The following HNRNPC variants were observed in gnomAD, a reference collection of about 807,000 sequenced individuals.
HNRNPC encodes heterogeneous nuclear ribonucleoprotein C.
In HNRNPC, 3 loss-of-function variants were observed where a neutral mutation model predicts 33.2. That is an observed-to-expected ratio of 0.09 (90% CI 0.04 to 0.23). The LOEUF is 0.23. Among genes scored for constraint, HNRNPC ranks in the 10% least tolerant of loss-of-function variants. HNRNPC has a pLI of 1.00. For synonymous variants in HNRNPC, 121 were observed against 126.7 expected, an observed-to-expected ratio of 0.96 and a Z score of 0.30; for missense variants, 143 against 366.7, an observed-to-expected ratio of 0.39 and a Z score of 4.98.
At chr14:21,233,799 T>C (rs1894377475) in intron 3 of HNRNPC, among the ~76,000 whole-genome samples, 154 bp downstream of exon 3, 2 of 152,092 alleles carry the variant, frequency 1.3e-5, no homozygotes, top group Admixed American at 1.3e-4. Context: ...CTTAGCCAAT[T>C]ATAACTATAA....
intron 5 of HNRNPC, among the ~76,000 whole-genome samples, chr14:21,224,081 C>G (rs1038432486): frequency 6.6e-6 from 1 of 152,134 alleles, no homozygotes; most frequent in Non-Finnish European, 1.5e-5. Flanking sequence ...TCTCTCCCTT[C>G]ATACATATAT....
At chr14:21,212,584 C>A (rs1295000450) in intron 6 of HNRNPC, among the ~76,000 whole-genome samples, 2 of 151,770 alleles carry the variant, frequency 1.3e-5, no homozygotes, top group African/African-American at 4.8e-5. Flanking sequence ...TGCTCGTCAC[C>A]CAGGCTGGAG....
chr14:21,218,656 T>C (rs1275354648), intron 5 of HNRNPC, among the ~76,000 whole-genome samples: 2 of 109,716 alleles, frequency 1.8e-5, no homozygotes, highest in African/African-American at 7.5e-5. Context: ...CATTCCAGCC[T>C]GGGAGACAAA....
At chr14:21,255,783 T>A (rs568397709) in intron 2 of HNRNPC, among the ~76,000 whole-genome samples, 1 of 152,246 alleles carries the variant, frequency 6.6e-6, no homozygotes, top group Admixed American at 6.5e-5. Context: ...ATATCTCTTA[T>A]GTCTTTACAT....
intron 3 of HNRNPC, among the ~76,000 whole-genome samples, chr14:21,233,684 C>T (rs1196810119): frequency 1.3e-5 from 2 of 152,122 alleles, no homozygotes; most frequent in Admixed American, 6.5e-5. Context: ...ATTTAGGCAA[C>T]GTTTTTACAT....
At chr14:21,235,054 G>A (rs1388541510) in intron 2 of HNRNPC, among the ~76,000 whole-genome samples, 3 of 152,074 alleles carry the variant, frequency 2.0e-5, no homozygotes, top group South Asian at 4.1e-4. Context: ...AACTTTCCAC[G>A]CATTATTTAA....
At chr14:21,213,217 T>A (rs1891808398) in intron 5 of HNRNPC, 100 bp from the exon 6 acceptor site, 1 of 1,219,510 alleles carries the variant, frequency 8.2e-7, no homozygotes, top group South Asian at 1.6e-5. Flanking sequence ...TTGTCTCTAG[T>A]CGTTTCCTTT....
At chr14:21,244,382 T>A (rs1895709607) in intron 2 of HNRNPC, among the ~76,000 whole-genome samples, 1 of 152,236 alleles carries the variant, frequency 6.6e-6, no homozygotes, top group African/African-American at 2.4e-5. Flanking sequence ...AAATAAAAAA[T>A]TAAGGTCTTA....
At chr14:21,254,935 A>G (rs561224159) in intron 2 of HNRNPC, among the ~76,000 whole-genome samples, 1 of 149,888 alleles carries the variant, frequency 6.7e-6, no homozygotes, top group East Asian at 1.9e-4. Context: ...AAAAAAAACA[A>G]AAAAAAAAAC....
At chr14:21,265,777 GA>G (rs1878872418) in intron 1 of HNRNPC, among the ~76,000 whole-genome samples, 1 of 151,820 alleles carries the variant, frequency 6.6e-6, no homozygotes, top group Non-Finnish European at 1.5e-5. Context: ...GGCTCTCAAA[GA>G]AAAAAAGTAT....
chr14:21,264,226 G>A (rs1395404166), intron 1 of HNRNPC: 1 of 152,132 alleles, frequency 6.6e-6, no homozygotes, highest in African/African-American at 2.4e-5. Flanking sequence ...ACTTAAAAAA[G>A]TCCGTGGAGT....
intron 6 of HNRNPC, among the ~76,000 whole-genome samples, chr14:21,212,476 T>A (rs921424374): frequency 6.6e-6 from 1 of 152,178 alleles, no homozygotes; most frequent in Admixed American, 6.6e-5. Context: ...TGACATTTTT[T>A]AAATTACCTA....
At chr14:21,250,753 C>A (rs1896555133) in intron 2 of HNRNPC, among the ~76,000 whole-genome samples, 1 of 152,140 alleles carries the variant, frequency 6.6e-6, no homozygotes, top group South Asian at 2.1e-4. Flanking sequence ...ACATCAAAAA[C>A]CACTCCTGCC....
At chr14:21,257,618 T>C (rs747289091) in intron 2 of HNRNPC, among the ~76,000 whole-genome samples, 50 of 151,920 alleles carry the variant, frequency 3.3e-4, no homozygotes, top group Admixed American at 2.9e-3. Context: ...AGGGTCTCAC[T>C]CTTGTCACCC....
intron 2 of HNRNPC, among the ~76,000 whole-genome samples, chr14:21,258,763 T>C (rs1311924581): frequency 6.6e-6 from 1 of 152,204 alleles, no homozygotes; most frequent in Non-Finnish European, 1.5e-5. Flanking sequence ...TGGAGCCTCA[T>C]CAGTTCTCAA....
At chr14:21,267,382 T>A (rs2139081288) in intron 1 of HNRNPC, among the ~76,000 whole-genome samples, 1 of 152,294 alleles carries the variant, frequency 6.6e-6, no homozygotes, top group Middle Eastern at 3.4e-3. Flanking sequence ...AACTAGCTAT[T>A]TTGGAGTTTA....
Position 21,235,596 on chromosome 14 carries a change from C to T in HNRNPC, c.-36-1367G>A, listed in dbSNP as rs111352464. The stretch of plus-strand genomic sequence containing the variant: ...ACAAAAACTTCTTAATATTTTAACA[C>T]TAAGCAATAAAAATTAACAAACAGT... On this transcript the variant is annotated intron_variant, in intron 2 of 8. Transcript: ENST00000553300. Among the ~76,000 whole-genome samples, 1,026 of 152,240 alleles carry T rather than the reference C, an allele frequency of 6.7e-3. 14 individuals are homozygous for T. Among genetic ancestry groups the T allele is most frequent in the African/African-American group, 0.022 (927 of 41,548 alleles).
intron 2 of HNRNPC, among the ~76,000 whole-genome samples, chr14:21,253,048 A>C (rs10145150): frequency 0.91 from 137,347 of 151,320 alleles, 62,436 homozygotes; most frequent in East Asian, 1. Flanking sequence ...GTGGAGCGTA[A>C]CTGTAATCTC....
At chr14:21,231,447 C>T (rs1756532219) in intron 3 of HNRNPC, 1 of 455,342 alleles carries the variant, frequency 2.2e-6, no homozygotes, top group African/African-American at 2.0e-5. Context: ...GCCTAGACCT[C>T]CGAAGCTCAG....
Sources: allele counts gnomAD v4.1 joint callset (sites outside exome capture counted in the v4.1 genomes callset), GRCh38; gene constraint gnomAD v4.1.1; transcripts MANE v1.5; gene names NCBI Gene and HGNC (gene_info 2026-07-23, HGNC 2026-07-21).